GABRQ: variants seen among roughly 807,000 people sequenced by gnomAD.
The protein encoded by GABRQ is gamma-aminobutyric acid receptor subunit theta.
In GABRQ, 19 loss-of-function variants were observed where a neutral mutation model predicts 30.5. The ratio of observed to expected loss-of-function variants is 0.62; its 90% CI spans 0.43 to 0.91. GABRQ has a LOEUF of 0.91. GABRQ is among the 40% of genes least tolerant of loss of function. The probability of loss-of-function intolerance (pLI) is 0.00; values close to 1 mark genes in which losing one functional copy is unlikely to be tolerated. For synonymous variants in GABRQ, 187 were observed against 210.2 expected, an observed-to-expected ratio of 0.89 and a Z score of 0.95; for missense variants, 520 against 521.4, an observed-to-expected ratio of 1.00 and a Z score of 0.03.
intron 2 of GABRQ, among the ~76,000 whole-genome samples, chrX:152,644,246 TCACA>T (rs1457823443): frequency 1.8e-5 from 2 of 111,230 alleles, no homozygotes; most frequent in African/African-American, 3.3e-5. Flanking sequence ...ATTAACATCC[TCACA>T]CACAAACACA....
chrX:152,638,451 C>A, intron 1 of GABRQ, 100 bp downstream of exon 1: 1 of 858,141 alleles, frequency 1.2e-6, no homozygotes, highest in Non-Finnish European at 1.7e-6. Context: ...GCGACTCGGG[C>A]TGGGGGGTAC....
intron 8 of GABRQ, 69 bp downstream of exon 8, chrX:152,651,851 C>G (rs1931031966): frequency 1.9e-6 from 2 of 1,061,825 alleles, no homozygotes; most frequent in Non-Finnish European, 2.6e-6. Context: ...CGCTTTTGAC[C>G]CTTTTGCATT....
chrX:152,640,439 G>T lies in GABRQ; in HGVS notation c.211G>T (p.Asp71Tyr). 1 of 1,192,257 alleles carries T rather than the reference G, an allele frequency of 8.4e-7. No homozygotes were observed. The highest frequency in any genetic ancestry group is 1.1e-6 in the Non-Finnish European group (1 of 877,612). ...TTTGGACAGGGTGCTGTCAAGATACGATGTCCGCCTGAGACCGAATTTTGG... is the reference window on the plus strand; with the variant it reads ...TTTGGACAGGGTGCTGTCAAGATACTATGTCCGCCTGAGACCGAATTTTGG... ...KILDRVLSRY[D>Y]VRLRPNFGGA... is the part of the protein sequence containing the mutation. The change falls in exon 2 of 9, where the codon GAT becomes TAT. Residue 71 changes from aspartate to tyrosine, a missense_variant. Coordinates refer to ENST00000598523, the MANE Select transcript of GABRQ (RefSeq NM_018558.4).
At chrX:152,646,321 C>CT (rs1930886085) in intron 3 of GABRQ, among the ~76,000 whole-genome samples, 5 of 112,313 alleles carry the variant, frequency 4.5e-5, no homozygotes, top group African/African-American at 1.6e-4. Flanking sequence ...CCCTCTGCAG[C>CT]TTTTTGGCGC....
In GABRQ at chrX:152,641,488, T is replaced by C. The variant is rs139790067; in HGVS notation, c.238+1022T>C. On this transcript the variant is annotated intron_variant, in intron 2 of 8. Coordinates refer to ENST00000598523, the MANE Select transcript of GABRQ (RefSeq NM_018558.4). ...AGCTGAGAGGATTCGGCCCTTGCGG[T>C]AGACCAGTTTGGCCTGGGGAGCGCC... 7.9e-3 allele frequency among the ~76,000 whole-genome samples: 889 copies of C among 112,346 alleles called. 4 individuals carry two copies. Among genetic ancestry groups the C allele is most frequent in the Middle Eastern group, 0.014 (3 of 215 alleles).
chrX:152,650,571 G>T lies in GABRQ; in HGVS notation c.892G>T (p.Val298Leu). Residue 298 changes from valine (V) to leucine (L), a missense_variant, in exon 7 of 9, where the codon GTG (valine) becomes TTG (leucine). Transcript: ENST00000598523. ...WMNYDSSAAR[V>L]TIGLTSMLIL... is the part of the protein sequence containing the mutation. ...GAACTATGATTCCTCTGCAGCCAGG[G>T]TGACAATTGGTAGGTTCTGTCTCTG... 1 of 1,201,579 alleles carries T rather than the reference G, an allele frequency of 8.3e-7. No homozygotes were observed. The highest frequency in any genetic ancestry group is 2.3e-4 in the Middle Eastern group (1 of 4,319).
chrX:152,644,425 C>G (rs1191451708), intron 2 of GABRQ, among the ~76,000 whole-genome samples: 4 of 112,573 alleles, frequency 3.6e-5, no homozygotes, highest in African/African-American at 1.3e-4. Flanking sequence ...TTGATAGGTA[C>G]ATGGACATTA....
downstream of GABRQ, among the ~76,000 whole-genome samples, chrX:152,658,076 C>T (rs1842797983): frequency 8.9e-6 from 1 of 112,326 alleles, no homozygotes; most frequent in Admixed American, 9.4e-5. Flanking sequence ...CAGTATCACT[C>T]TGGGTTGGGA....
intron 4 of GABRQ, among the ~76,000 whole-genome samples, chrX:152,648,410 G>A (rs1220797617): frequency 9.3e-6 from 1 of 107,124 alleles, no homozygotes; most frequent in Non-Finnish European, 1.9e-5. Flanking sequence ...GCCCAGGCTG[G>A]AGTGCAGTAA....
downstream of GABRQ, among the ~76,000 whole-genome samples, chrX:152,658,827 A>G (rs1556821442): frequency 1.8e-5 from 2 of 111,788 alleles, no homozygotes; most frequent in African/African-American, 6.5e-5. Context: ...TTGTTACTCT[A>G]GGTTGGTATG....
At chrX:152,649,489 C>G (rs1357314710) in intron 5 of GABRQ, among the ~76,000 whole-genome samples, 156 bp downstream of exon 5, 1 of 111,617 alleles carries the variant, frequency 9.0e-6, no homozygotes, top group Non-Finnish European at 1.9e-5. Context: ...AGAGGATAGA[C>G]AGATGATAGA....
intron 3 of GABRQ, among the ~76,000 whole-genome samples, chrX:152,646,691 A>G (rs1351543339): frequency 8.9e-6 from 1 of 112,203 alleles, no homozygotes; most frequent in Non-Finnish European, 1.9e-5. Flanking sequence ...TGAGGGAAAT[A>G]TATTCTGGAA....
At chrX:152,650,315 G>T in intron 6 of GABRQ, 113 bp from the exon 7 acceptor site, 1 of 624,495 alleles carries the variant, frequency 1.6e-6, no homozygotes. Flanking sequence ...TCTGGATGGA[G>T]TATTACAAGC....
Position 152,654,178 on chromosome X carries a change from T to C in GABRQ, c.*897T>C, listed in dbSNP as rs1392760099. The C allele has an allele frequency of 2.7e-5, 3 of 112,597 alleles. No homozygotes were observed. Among genetic ancestry groups the C allele is most frequent in the Admixed American group, 9.3e-5 (1 of 10,715 alleles). The allele number at this position is 112,597 out of a possible 1,213,427, so 9.3% of individuals were successfully genotyped here. A position where few individuals can be genotyped will look rare whatever the true frequency, so the allele number is the denominator to read the frequency against. On this transcript the variant is annotated 3_prime_UTR_variant, in exon 9 of 9. Transcript: ENST00000598523. ...GTCAGTTGCTGAGTTGATCACCAGT[T>C]ACAGCACTTGGTGAATAAGCACTAA...
rs912797935 is a variant in GABRQ at position 152,637,985 on chromosome X, G to T, written c.-218G>T. ...GCTGCGTCCAGCAGAGCTGCTGGGT[G>T]GTTGCTCCTCCCGGGCTCTCATCTC... is the stretch of plus-strand genomic sequence containing the variant. On this transcript the variant is annotated 5_prime_UTR_variant, in exon 1 of 9. Transcript: ENST00000598523. Among the ~76,000 whole-genome samples, 3 of 113,238 alleles carry T rather than the reference G, an allele frequency of 2.6e-5. No individual in the cohort carries two copies. Among genetic ancestry groups the T allele is most frequent in the African/African-American group, 9.6e-5 (3 of 31,239 alleles).
rs782775984 is a variant in GABRQ at position 152,653,171 on chromosome X, G to A, written c.1789G>A (p.Asp597Asn). The A allele has an allele frequency of 1.7e-5, 20 of 1,208,401 alleles. No individual in the cohort carries two copies. Among genetic ancestry groups the A allele is most frequent in the East Asian group, 5.9e-5 (2 of 33,752 alleles). ...CTCCTTCACTGAAGGGTTCTCCTTC[G>A]ATCTCTTTAATCCTGACTACGTCCC... ...GCSFTEGFSF[D>N]LFNPDYVPKV... Residue 597 changes from aspartate to asparagine, a missense_variant, in exon 9 of 9, where the codon GAT (aspartate) becomes AAT (asparagine). Coordinates refer to ENST00000598523, the MANE Select transcript of GABRQ (RefSeq NM_018558.4).
chrX:152,653,343 T>A lies in GABRQ; in HGVS notation c.*62T>A, dbSNP rs1931083188. On this transcript the variant is annotated 3_prime_UTR_variant, in exon 9 of 9. Coordinates refer to ENST00000598523, the MANE Select transcript of GABRQ (RefSeq NM_018558.4). ...GTGCTCCTTTCAGTTTCTTTTGGGT[T>A]TGTTTTTCCCTCTTTCCTTTGTTCC... 4 of 870,189 alleles carry A rather than the reference T, an allele frequency of 4.6e-6. No individual in the cohort carries two copies. Among genetic ancestry groups the A allele is most frequent in the Non-Finnish European group, 6.5e-6 (4 of 615,759 alleles). The allele number at this position is 870,189 out of a possible 1,213,427, so 71.7% of individuals were successfully genotyped here. A position where few individuals can be genotyped will look rare whatever the true frequency, so the allele number is the denominator to read the frequency against.
chrX:152,651,553 C>T lies in GABRQ; in HGVS notation c.929C>T (p.Thr310Ile), dbSNP rs1413190455. Residue 310 changes from threonine (T) to isoleucine (I), a missense_variant, in exon 8 of 9, where the codon ACC (threonine) becomes ATC (isoleucine). Transcript: ENST00000598523. ...IGLTSMLILTTIDSHLRDKLP... is the reference protein window; with the variant it reads ...IGLTSMLILTIIDSHLRDKLP... Reference sequence around the variant, plus strand: ...TTAACTTCAATGCTCATCCTGACCACCATCGACTCACATCTGCGGGATAAG... The same window carrying T: ...TTAACTTCAATGCTCATCCTGACCATCATCGACTCACATCTGCGGGATAAG... 3 of 1,206,376 alleles carry T rather than the reference C, an allele frequency of 2.5e-6. No individual in the cohort carries two copies. The highest frequency in any genetic ancestry group is 4.4e-5 in the Admixed American group (2 of 45,970).
chrX:152,650,273 T>C (rs782249392), intron 6 of GABRQ, among the ~76,000 whole-genome samples, 155 bp from the exon 7 acceptor site: 4 of 112,151 alleles, frequency 3.6e-5, no homozygotes, highest in African/African-American at 9.7e-5. Context: ...CTGTCACTGA[T>C]CTGCTAGTGC....
Sources: gnomAD v4.1 joint callset for allele counts (sites outside exome capture counted in the v4.1 genomes callset) on GRCh38, gnomAD v4.1.1 for gene constraint, MANE v1.5 for transcripts, NCBI Gene and HGNC (gene_info 2026-07-23, HGNC 2026-07-21) for gene names.